The following CMSS1 variants were observed in gnomAD, a reference collection of about 807,000 sequenced individuals.
The protein encoded by CMSS1 is cms1 ribosomal small subunit homolog, also known as protein CMSS1.
CMSS1 carries 33 observed loss-of-function variants against 43.5 expected under a neutral mutation model. The ratio of observed to expected loss-of-function variants is 0.76; its 90% CI spans 0.57 to 1.01. The LOEUF is 1.01. Among genes scored for constraint, CMSS1 ranks in the 50% least tolerant of loss-of-function variants. CMSS1 has a pLI of 0.00. For synonymous variants in CMSS1, 115 were observed against 117.2 expected, an observed-to-expected ratio of 0.98 and a Z score of 0.12; for missense variants, 313 against 326.4, an observed-to-expected ratio of 0.96 and a Z score of 0.32.
At chr3:100,073,050 A>T (rs2065788598) in intron 1 of CMSS1, among the ~76,000 whole-genome samples, 2 of 152,182 alleles carry the variant, frequency 1.3e-5, no homozygotes, top group South Asian at 2.1e-4. Context: ...AAGCATAATT[A>T]GTTTATGTGT....
chr3:100,136,079 C>T (rs1364188600), intron 1 of CMSS1, among the ~76,000 whole-genome samples: 1 of 152,152 alleles, frequency 6.6e-6, no homozygotes, highest in Admixed American at 6.5e-5. Context: ...ATCACCCACT[C>T]TCCTTTCCAG....
rs906777606 is a variant in CMSS1 at position 99,848,842 on chromosome 3, C to T, written c.64+30799C>T. On this transcript the variant is annotated intron_variant, in intron 1 of 9. Transcript: ENST00000421999. The stretch of plus-strand genomic sequence containing the variant: ...GGAGGCGTTTTGGAGGATGGTTATC[C>T]TTTGCTTTGGCGTGCCACAGTTCGG... 13 of 1,613,858 alleles carry T rather than the reference C, an allele frequency of 8.1e-6. No homozygotes were observed. The highest frequency in any genetic ancestry group is 3.3e-4 in the Middle Eastern group (2 of 6,080).
intron 2 of CMSS1, among the ~76,000 whole-genome samples, chr3:100,155,802 A>T (rs1010666702): frequency 1.3e-5 from 2 of 152,238 alleles, no homozygotes; most frequent in South Asian, 2.1e-4. Flanking sequence ...AACTTTATTC[A>T]TAATTTTGAA....
chr3:100,032,832 A>G (rs368504360), intron 1 of CMSS1, among the ~76,000 whole-genome samples: 1 of 152,174 alleles, frequency 6.6e-6, no homozygotes, highest in Non-Finnish European at 1.5e-5. Context: ...CAATGATAAC[A>G]TAATTAACTA....
intron 1 of CMSS1, among the ~76,000 whole-genome samples, chr3:99,819,817 C>T (rs376564384): frequency 2.6e-5 from 4 of 150,994 alleles, no homozygotes; most frequent in South Asian, 2.1e-4. Context: ...TGCAGTGGCA[C>T]GATCTCGGCT....
intron 1 of CMSS1, among the ~76,000 whole-genome samples, chr3:100,035,182 C>T (rs1352298432): frequency 6.6e-6 from 1 of 152,188 alleles, no homozygotes; most frequent in African/African-American, 2.4e-5. Flanking sequence ...AAGCCATCTA[C>T]ATTTTCAAGT....
intron 1 of CMSS1, among the ~76,000 whole-genome samples, chr3:100,134,036 C>T (rs2066731005): frequency 1.3e-5 from 2 of 152,150 alleles, no homozygotes; most frequent in South Asian, 4.1e-4. Flanking sequence ...GTGTTTTTTC[C>T]ATTGTAACAC....
intron 1 of CMSS1, among the ~76,000 whole-genome samples, chr3:99,823,916 T>G (rs573763618): frequency 4.5e-4 from 68 of 151,814 alleles, no homozygotes; most frequent in South Asian, 1.5e-3. Context: ...TGGCTGGCTT[T>G]CTTTCTTTCT....
At chr3:100,021,960 T>TGAGAGAGAGAGA (rs61630053) in intron 1 of CMSS1, among the ~76,000 whole-genome samples, 1 of 93,286 alleles carries the variant, frequency 1.1e-5, no homozygotes, top group Admixed American at 1.1e-4. Context: ...TGTGTGTGTG[T>TGAGAGAGAGAGA]GAGAGAGAGA....
At chr3:99,948,026 T>C (rs2107684644) in intron 1 of CMSS1, among the ~76,000 whole-genome samples, 1 of 152,234 alleles carries the variant, frequency 6.6e-6, no homozygotes, top group East Asian at 1.9e-4. Flanking sequence ...ACAATGGTGG[T>C]GGTAAGATAA....
At chr3:99,922,480 T>C (rs1707155947) in intron 1 of CMSS1, among the ~76,000 whole-genome samples, 1 of 151,780 alleles carries the variant, frequency 6.6e-6, no homozygotes, top group Admixed American at 6.6e-5. Flanking sequence ...CTGGAAAAAA[T>C]AGAGTGAATA....
At chr3:99,929,731 G>A (rs557356717) in intron 1 of CMSS1, 5 of 619,598 alleles carry the variant, frequency 8.1e-6, no homozygotes, top group Non-Finnish European at 1.3e-5. Flanking sequence ...TATCTGTTTT[G>A]TGTAGGCTTT....
At chr3:99,919,359 A>G (rs994283398) in intron 1 of CMSS1, among the ~76,000 whole-genome samples, 7 of 150,656 alleles carry the variant, frequency 4.6e-5, no homozygotes, top group Non-Finnish European at 7.4e-5. Context: ...GTTTTACACA[A>G]TGAACAAATA....
intron 1 of CMSS1, among the ~76,000 whole-genome samples, chr3:100,033,567 ACTGCCC>A (rs1480077472): frequency 6.6e-6 from 1 of 152,236 alleles, no homozygotes; most frequent in African/African-American, 2.4e-5. Context: ...CAAATCATGT[ACTGCCC>A]CTCAACTGCA....
intron 1 of CMSS1, among the ~76,000 whole-genome samples, chr3:99,985,852 G>A (rs751497751): frequency 2.6e-5 from 4 of 152,130 alleles, no homozygotes; most frequent in African/African-American, 7.2e-5. Flanking sequence ...GCCTCCCAAA[G>A]TACTGGGATT....
At chr3:99,983,464 GTATATATATATATATATATATA>G (rs1191587665) in intron 1 of CMSS1, among the ~76,000 whole-genome samples, 3 of 12,676 alleles carry the variant, frequency 2.4e-4, no homozygotes, top group Non-Finnish European at 3.4e-4. Flanking sequence ...ATATATGTGT[GTATATATATATATATATATATA>G]TATATATATA....
At chr3:100,145,266 C>T (rs908459624) in intron 1 of CMSS1, among the ~76,000 whole-genome samples, 3 of 152,006 alleles carry the variant, frequency 2.0e-5, no homozygotes, top group Non-Finnish European at 4.4e-5. Context: ...CATGGCGAAT[C>T]CCTGCCTCTA....
rs1281878330 is a variant in CMSS1, at chr3:100,179,842, T to A, written c.*1454T>A. ...CCCACATTTCCCCTCTGCACTGCCC[T>A]AGTAGAGGCTCTCCATGAGGGCTTC... On this transcript the variant is annotated 3_prime_UTR_variant, in exon 10 of 10. Transcript: ENST00000421999. The A allele has an allele frequency of 1.3e-5, 2 of 152,270 alleles. No homozygotes were observed. The highest frequency in any genetic ancestry group is 2.9e-5 in the Non-Finnish European group (2 of 68,082). 9.4% of individuals were successfully genotyped at this position (152,270 alleles called of 1,614,324 possible).
intron 1 of CMSS1, among the ~76,000 whole-genome samples, chr3:100,122,385 C>T (rs1289415287): frequency 6.6e-6 from 1 of 152,194 alleles, no homozygotes; most frequent in Non-Finnish European, 1.5e-5. Flanking sequence ...AGCCACTGGG[C>T]ATGGTTGGAA....
Sources: allele counts gnomAD v4.1 joint callset (sites outside exome capture counted in the v4.1 genomes callset), GRCh38; gene constraint gnomAD v4.1.1; transcripts MANE v1.5; gene names NCBI Gene and HGNC (gene_info 2026-07-23, HGNC 2026-07-21).